Variants in DSC2 observed in about 807,000 individuals in gnomAD.
DSC2 encodes the protein desmocollin 2.
Under a neutral mutation model 87.6 loss-of-function variants are expected in DSC2, and 51 were observed. The observed-to-expected ratio is 0.58, with a 90% confidence interval of 0.46 to 0.74. The LOEUF is 0.74. Ranked by LOEUF, DSC2 falls within the 30% of genes least tolerant of loss-of-function variation. The pLI, the probability that DSC2 is intolerant of heterozygous loss-of-function variation, is 0.00. For synonymous variants in DSC2, 383 were observed against 393.2 expected (o/e 0.97, Z 0.31); for missense variants, 1,066 against 1,089.5 (o/e 0.98, Z 0.30).
Position 31,090,800 on chromosome 18 carries a change from A to C in DSC2, c.474+228T>G, listed in dbSNP as rs183302910. On this transcript the variant is annotated intron_variant, in intron 4 of 15. Transcript: ENST00000280904. The stretch of plus-strand genomic sequence containing the variant: ...TTGCTGATGTGACAATTCATTAAGG[A>C]ACCATGTGTCTGAGTGCCACAGTTT... Among the ~76,000 whole-genome samples, 59 of 152,354 alleles carry C rather than the reference A, an allele frequency of 3.9e-4. 2 individuals are homozygous for C. Among genetic ancestry groups the C allele is most frequent in the Admixed American group, 2.1e-3 (32 of 15,300 alleles).
intron 1 of DSC2, among the ~76,000 whole-genome samples, chr18:31,096,414 G>C (rs2144857137): frequency 6.6e-6 from 1 of 152,254 alleles, no homozygotes. Flanking sequence ...GAAGGAGAAT[G>C]AAATCAAAGC....
At position 31,068,302 on chromosome 18, in the gene DSC2, T is replaced by C. The variant is rs757517218; in HGVS notation, c.2509-90A>G. Reference sequence around the variant, plus strand: ...AAAAGTAATTGCTTTGATTTACCTTTCATTGTTTAATTTTTAATCAGAGTG... The same window carrying C: ...AAAAGTAATTGCTTTGATTTACCTTCCATTGTTTAATTTTTAATCAGAGTG... On this transcript the variant is annotated intron_variant, in intron 15 of 15. Transcript: ENST00000280904. 5 of 1,613,634 alleles carry C rather than the reference T, an allele frequency of 3.1e-6. No homozygotes were observed. In the East Asian group the frequency reaches 1.1e-4, roughly 36 times the overall value.
At chr18:31,089,415 C>A (rs1324131092) in intron 5 of DSC2, 24 bp downstream of exon 5, 1 of 1,612,922 alleles carries the variant, frequency 6.2e-7, no homozygotes, top group Non-Finnish European at 8.5e-7. Flanking sequence ...ATTGCTAATA[C>A]AGTACACACA....
In DSC2 at chr18:31,061,764, T is replaced by C. The variant is rs1986506718; in HGVS notation, c.*6251A>G. On this transcript the variant is annotated 3_prime_UTR_variant, in exon 16 of 16. Transcript: ENST00000280904. The stretch of plus-strand genomic sequence containing the variant: ...TATCTATTTGCTTAATTTAAAACAT[T>C]TAAGCAAAAGTAATAGGTTCTGCTT... 1 of 152,200 alleles carries C rather than the reference T, an allele frequency of 6.6e-6. No homozygotes were observed. Among genetic ancestry groups the C allele is most frequent in the Non-Finnish European group, 1.5e-5 (1 of 68,036 alleles). The allele number at this position is 152,200 out of a possible 1,614,324, so 9.4% of individuals were successfully genotyped here.
chr18:31,093,718 T>C, intron 1 of DSC2, 75 bp from the exon 2 acceptor site: 4 of 676,846 alleles, frequency 5.9e-6, no homozygotes, highest in Non-Finnish European at 7.9e-6. Context: ...TTTATATAAA[T>C]TATAAATTTA....
chr18:31,062,836 C>T lies in DSC2; in HGVS notation c.*5179G>A, dbSNP rs113639468. 2,430 of 152,206 alleles carry T rather than the reference C, an allele frequency of 0.016. 55 individuals are homozygous for T. Among genetic ancestry groups the T allele is most frequent in the African/African-American group, 0.056 (2,334 of 41,522 alleles). The allele number at this position is 152,206 out of a possible 1,614,324, so 9.4% of individuals were successfully genotyped here. On this transcript the variant is annotated 3_prime_UTR_variant, in exon 16 of 16. Transcript: ENST00000280904. ...TCCAAAATCTCAACACTTCACTTTC[C>T]TGTATTAAGCTGTGAATGCAAACAA... is the stretch of plus-strand genomic sequence containing the variant.
At chr18:31,099,155 T>C (rs1987854496) in intron 1 of DSC2, among the ~76,000 whole-genome samples, 1 of 152,188 alleles carries the variant, frequency 6.6e-6, no homozygotes, top group African/African-American at 2.4e-5. Context: ...ACTAGTAATA[T>C]TAATTTAGTA....
Position 31,082,965 on chromosome 18 carries a change from A to G in DSC2, c.1038T>C (p.Asp346=), listed in dbSNP as rs2144821248. The change falls in exon 8 of 16, where the codon GAT becomes GAC. Residue 346 remains aspartate (D), a synonymous_variant. Coordinates refer to ENST00000280904, the MANE Select transcript of DSC2 (RefSeq NM_024422.6). The stretch of plus-strand genomic sequence containing the variant: ...ATGTTGGCAAGTGGTCATTTACATC[A>G]TCAATGTTAATGATACAAGTTGAAG... ...QTTSTCIINI[D]DVNDHLPTFT... 1 of 1,613,458 alleles carries G rather than the reference A, an allele frequency of 6.2e-7. No individual in the cohort carries two copies. Among genetic ancestry groups the G allele is most frequent in the Non-Finnish European group, 8.5e-7 (1 of 1,179,764 alleles).
rs1269634348 is a variant in DSC2, at chr18:31,092,241, G to C, written c.214C>G (p.Gln72Glu). The stretch of plus-strand genomic sequence containing the variant: ...TAGACTGAACCATCCTCCAAAATTT[G>C]GAAGTCAGGATCACTTGAATGAATT... ...NLIHSSDPDF[Q>E]ILEDGSVYTT... is the part of the protein sequence containing the mutation. Residue 72 changes from glutamine to glutamate, a missense_variant, in exon 3 of 16, where the codon CAA (glutamine) becomes GAA (glutamate). Gln to Glu is a conservative substitution (Grantham distance 29). Coordinates refer to ENST00000280904, the MANE Select transcript of DSC2 (RefSeq NM_024422.6). 1.2e-6 allele frequency: 2 copies of C among 1,613,738 alleles called. No homozygotes were observed. The highest frequency in any genetic ancestry group is 1.7e-6 in the Non-Finnish European group (2 of 1,179,800).
Position 31,102,336 on chromosome 18 carries a change from A to AT in DSC2, c.-366dup, listed in dbSNP as rs1567987589. 5.1e-6 allele frequency: 1 copy of AT among 196,800 alleles called. No individual in the cohort carries two copies. The highest frequency in any genetic ancestry group is 2.3e-5 in the African/African-American group (1 of 43,120). 12.2% of individuals were successfully genotyped at this position (196,800 alleles called of 1,614,324 possible). On this transcript the variant is annotated 5_prime_UTR_variant, in exon 1 of 16. It removes the in-frame stop codon of an upstream open reading frame in the 5' UTR. Coordinates refer to ENST00000280904, the MANE Select transcript of DSC2 (RefSeq NM_024422.6). ...TGTTTCTCACCAGCGGACGCCACCT[A>AT]TAAGGCCCATCTCCCCCACCACGCC...
intron 3 of DSC2, chr18:31,091,489 G>GTT (rs1250804734): frequency 2.1e-6 from 1 of 473,476 alleles, no homozygotes; most frequent in Middle Eastern, 3.1e-4. Context: ...AAATAAGTGT[G>GTT]TATGTGCCCT....
chr18:31,088,428 A>G (rs1034251177), intron 5 of DSC2, among the ~76,000 whole-genome samples: 1 of 152,168 alleles, frequency 6.6e-6, no homozygotes, highest in Non-Finnish European at 1.5e-5. Context: ...CAATTTTCTC[A>G]TAACAGCTAT....
Position 31,064,856 on chromosome 18 carries a change from T to C in DSC2, c.*3159A>G, listed in dbSNP as rs1046227965. ...TCAATCTGGAGTCCAGGAATGGAGA[T>C]GGAGACAAAAGGGAAGCCCGTAGTC... On this transcript the variant is annotated 3_prime_UTR_variant, in exon 16 of 16. Transcript: ENST00000280904. The C allele has an allele frequency of 6.6e-6, 1 of 152,052 alleles. No individual in the cohort carries two copies. Among genetic ancestry groups the C allele is most frequent in the Admixed American group, 6.6e-5 (1 of 15,252 alleles). The allele number at this position is 152,052 out of a possible 1,614,324, so 9.4% of individuals were successfully genotyped here.
chr18:31,079,676 TTAG>T (rs1987138430), intron 11 of DSC2, among the ~76,000 whole-genome samples, 168 bp downstream of exon 11: 3 of 152,208 alleles, frequency 2.0e-5, no homozygotes, highest in Admixed American at 6.5e-5. Context: ...GAGAAGGCTA[TTAG>T]AAAGCAGACA....
chr18:31,077,564 T>C (rs1401964009), intron 11 of DSC2, among the ~76,000 whole-genome samples: 1 of 152,236 alleles, frequency 6.6e-6, no homozygotes, highest in Non-Finnish European at 1.5e-5. Context: ...AATACTGTCA[T>C]AGAAGAACAT....
At chr18:31,087,990 T>C (rs1987463142) in intron 5 of DSC2, among the ~76,000 whole-genome samples, 177 bp from the exon 6 acceptor site, 1 of 152,252 alleles carries the variant, frequency 6.6e-6, no homozygotes, top group South Asian at 2.1e-4. Context: ...CCTAATTTCA[T>C]GATTCAATAT....
intron 5 of DSC2, among the ~76,000 whole-genome samples, chr18:31,088,246 C>A (rs886608940): frequency 2.0e-5 from 3 of 152,074 alleles, no homozygotes; most frequent in African/African-American, 7.2e-5. Context: ...GGGATATTAT[C>A]CTATTTTCTA....
intron 6 of DSC2, 61 bp downstream of exon 6, chr18:31,087,608 A>G: frequency 6.4e-7 from 1 of 1,563,204 alleles, no homozygotes; most frequent in South Asian, 1.1e-5. Context: ...GACATAGTGA[A>G]ACTAAATGTA....
intron 1 of DSC2, among the ~76,000 whole-genome samples, chr18:31,100,170 A>G (rs909602469): frequency 5.3e-5 from 8 of 152,170 alleles, no homozygotes. Flanking sequence ...CAGCAGAATG[A>G]GAGTGTAGGC....
Sources: allele counts gnomAD v4.1 joint callset (sites outside exome capture counted in the v4.1 genomes callset), GRCh38; gene constraint gnomAD v4.1.1; transcripts MANE v1.5; gene names NCBI Gene and HGNC (gene_info 2026-07-23, HGNC 2026-07-21).